MPC1: variants seen among roughly 807,000 people sequenced by gnomAD.
MPC1 encodes the protein HSPC040 protein.
Under a neutral mutation model 13.9 loss-of-function variants are expected in MPC1, and 6 were observed. The ratio of observed to expected loss-of-function variants is 0.43; its 90% CI spans 0.24 to 0.85. The LOEUF (loss-of-function observed/expected upper bound fraction) is 0.85. Among genes scored for constraint, MPC1 ranks in the 40% least tolerant of loss-of-function variants. The pLI is 0.24. For missense variants in MPC1, 115 were observed against 143.3 expected (o/e 0.80, Z 1.01); for synonymous variants, 47 against 50.5 (o/e 0.93, Z 0.29).
intron 1 of MPC1, among the ~76,000 whole-genome samples, chr6:166,373,508 T>C (rs1779460703): frequency 6.6e-6 from 1 of 152,336 alleles, no homozygotes; most frequent in South Asian, 2.1e-4. Flanking sequence ...GGTACCACAA[T>C]TTATTTTGCC....
chr6:166,378,857 C>T (rs999207036), intron 1 of MPC1, among the ~76,000 whole-genome samples: 3 of 152,116 alleles, frequency 2.0e-5, no homozygotes, highest in Admixed American at 1.3e-4. Flanking sequence ...TTTTGTCAAG[C>T]GCTATACTAT....
chr6:166,382,774 G>C (rs747983025), intron 1 of MPC1, 32 bp downstream of exon 1: 14 of 1,561,788 alleles, frequency 9.0e-6, no homozygotes, highest in Non-Finnish European at 1.1e-5. Context: ...AGCCCCTCCG[G>C]GTTGCGGGGT....
intron 2 of MPC1, chr6:166,368,778 A>C: frequency 2.0e-6 from 2 of 984,708 alleles, no homozygotes; most frequent in Non-Finnish European, 2.4e-6. Flanking sequence ...TCATTTTTCA[A>C]CTCTCTATTA....
chr6:166,380,251 A>G (rs2114980064), intron 1 of MPC1, among the ~76,000 whole-genome samples: 1 of 152,350 alleles, frequency 6.6e-6, no homozygotes, highest in South Asian at 2.1e-4. Context: ...TCCCTTATCC[A>G]ATTTAATTTT....
intron 2 of MPC1, chr6:166,368,833 C>G (rs1283859806): frequency 2.0e-6 from 2 of 985,662 alleles, no homozygotes; most frequent in East Asian, 1.1e-4. Context: ...CCAGGCCTTT[C>G]TCCACTTGGT....
chr6:166,373,123 A>G (rs767807427), intron 1 of MPC1, among the ~76,000 whole-genome samples: 1 of 152,174 alleles, frequency 6.6e-6, no homozygotes, highest in Non-Finnish European at 1.5e-5. Context: ...TGGTGTATTT[A>G]TCACAATCAC....
intron 3 of MPC1, 49 bp downstream of exon 3, chr6:166,366,746 G>T: frequency 6.5e-7 from 1 of 1,544,612 alleles, no homozygotes; most frequent in Non-Finnish European, 8.9e-7. Context: ...GCAAGCAGGA[G>T]CTCTACTATG....
chr6:166,370,065 A>G (rs1243686450), intron 2 of MPC1, 153 bp downstream of exon 2: 1 of 732,344 alleles, frequency 1.4e-6, no homozygotes, highest in African/African-American at 1.7e-5. Flanking sequence ...GCTCCCCAGG[A>G]CAGGCCAGGG....
chr6:166,376,584 A>C (rs1779577602), intron 1 of MPC1, among the ~76,000 whole-genome samples: 1 of 152,208 alleles, frequency 6.6e-6, no homozygotes, highest in Admixed American at 6.5e-5. Context: ...TTCCAGAAAT[A>C]CCTGCATAAA....
intron 2 of MPC1, among the ~76,000 whole-genome samples, chr6:166,367,527 A>G (rs1210130622): frequency 6.6e-6 from 1 of 152,236 alleles, no homozygotes; most frequent in African/African-American, 2.4e-5. Context: ...AACTTATATT[A>G]ATATTAAAGA....
At chr6:166,380,911 C>T (rs1779747133) in intron 1 of MPC1, among the ~76,000 whole-genome samples, 1 of 144,976 alleles carries the variant, frequency 6.9e-6, no homozygotes, top group Non-Finnish European at 1.5e-5. Context: ...TGCACTCCAG[C>T]CTGGGCAACA....
In MPC1 at chr6:166,365,366, T is replaced by C. The variant is rs996088445; in HGVS notation, c.*63A>G. On this transcript the variant is annotated 3_prime_UTR_variant, in exon 5 of 5. Coordinates refer to ENST00000360961, the MANE Select transcript of MPC1 (RefSeq NM_016098.4). The surrounding 1 kb of genome is among the most constrained non-coding windows in gnomAD (Gnocchi z 4.2). Reference sequence around the variant, plus strand: ...CTTAGGGAGGCTATTTATAATGAAATCTGTGACTCAGCAGCAGCTGGCAAT... The same window carrying C: ...CTTAGGGAGGCTATTTATAATGAAACCTGTGACTCAGCAGCAGCTGGCAAT... The C allele has an allele frequency of 8.0e-6, 11 of 1,377,896 alleles. No individual in the cohort carries two copies. The African/African-American group carries it at 1.3e-4, about 17-fold the overall frequency. The allele number at this position is 1,377,896 out of a possible 1,614,324, so 85.4% of individuals were successfully genotyped here. A position where few individuals can be genotyped will look rare whatever the true frequency, so the allele number is the denominator to read the frequency against.
chr6:166,368,128 A>C (rs914924395), intron 2 of MPC1, among the ~76,000 whole-genome samples: 1 of 152,230 alleles, frequency 6.6e-6, no homozygotes, highest in African/African-American at 2.4e-5. Context: ...CTGGCTAATT[A>C]GTTATCTTGC....
Position 166,382,809 on chromosome 6 carries a change from A to C in MPC1, c.68T>G (p.Met23Arg), listed in dbSNP as rs763301295. ...TTCGGCCTGCGGCGCTCGTCACCTC[A>C]TGAGGTAGTCCCGGAAATCCTTGCT... The part of the protein sequence containing the change: ...VRSKDFRDYL[M>R]STHFWGPVAN... Residue 23 changes from methionine (M) to arginine (R), a missense_variant, in exon 1 of 5, where the codon ATG (methionine) becomes AGG (arginine). Around this residue, in one of 3 missense-constraint regions of MPC1, gnomAD observed 41 missense variants for 34.2 expected, o/e 1.20. Transcript: ENST00000360961. 9.4e-6 allele frequency: 15 copies of C among 1,594,264 alleles called. No individual in the cohort carries two copies. The highest frequency in any genetic ancestry group is 2.6e-6 in the Non-Finnish European group (3 of 1,172,140).
chr6:166,367,075 C>T, intron 2 of MPC1, 184 bp from the exon 3 acceptor site: 1 of 1,458,544 alleles, frequency 6.9e-7, no homozygotes, highest in South Asian at 1.2e-5. Flanking sequence ...TCCAAGTGTT[C>T]CTGTAGGAAT....
At chr6:166,380,402 C>G (rs921159688) in intron 1 of MPC1, among the ~76,000 whole-genome samples, 1 of 152,076 alleles carries the variant, frequency 6.6e-6, no homozygotes, top group Non-Finnish European at 1.5e-5. Context: ...AACACTGTTC[C>G]GAGTAATGCA....
At chr6:166,373,689 T>C (rs1030153606) in intron 1 of MPC1, among the ~76,000 whole-genome samples, 1 of 152,212 alleles carries the variant, frequency 6.6e-6, no homozygotes, top group Non-Finnish European at 1.5e-5. Flanking sequence ...AGTGGCTGTA[T>C]TATTTTGCAT....
At chr6:166,368,799 ATCTTCCTTTTCCTCCTT>A (rs1267152980) in intron 2 of MPC1, 4 of 984,978 alleles carry the variant, frequency 4.1e-6, no homozygotes, top group Non-Finnish European at 4.8e-6. Flanking sequence ...TTCCATAGTG[ATCTTCCTTTTCCTCCTT>A]TTTTGACCAG....
intron 2 of MPC1, chr6:166,367,094 C>T: frequency 7.0e-7 from 1 of 1,422,148 alleles, no homozygotes; most frequent in South Asian, 1.3e-5. Context: ...ATCAGCAGTT[C>T]TTACAGCTGA....
Sources: gnomAD v4.1 joint callset for allele counts (sites outside exome capture counted in the v4.1 genomes callset) on GRCh38, gnomAD v4.1.1 for gene constraint, gnomAD v4.1.1 regional missense constraint, Gnocchi (gnomAD v3.1) non-coding constraint, MANE v1.5 for transcripts, NCBI Gene and HGNC (gene_info 2026-07-23, HGNC 2026-07-21) for gene names.